Variants in ITPR2 observed in about 807,000 individuals in gnomAD.
The protein encoded by ITPR2 is inositol 1,4,5-trisphosphate receptor type 2.
In ITPR2, 207 loss-of-function variants were observed where a neutral mutation model predicts 317.1. The observed-to-expected ratio is 0.65, with a 90% CI of 0.58 to 0.73. The LOEUF (loss-of-function observed/expected upper bound fraction) is 0.73. Ranked by LOEUF, ITPR2 falls within the 30% of genes least tolerant of loss-of-function variation. The probability of loss-of-function intolerance (pLI) is 0.00; values close to 1 mark genes in which losing one functional copy is unlikely to be tolerated. For synonymous variants in ITPR2, 1,156 were observed against 1,149.1 expected, an observed-to-expected ratio of 1.01 and a Z score of -0.12; for missense variants, 2,613 against 3,284.0, an observed-to-expected ratio of 0.80 and a Z score of 4.99.
intron 52 of ITPR2, among the ~76,000 whole-genome samples, chr12:26,406,245 T>C (rs1189363636): frequency 6.6e-6 from 1 of 152,086 alleles, no homozygotes; most frequent in Non-Finnish European, 1.5e-5. Context: ...CATATTAAAT[T>C]TGAATTATTC....
chr12:26,388,614 C>T (rs1053265029), intron 54 of ITPR2, among the ~76,000 whole-genome samples: 2 of 151,882 alleles, frequency 1.3e-5, no homozygotes, highest in East Asian at 1.9e-4. Flanking sequence ...CCACCATGCC[C>T]GGCTAATTTT....
Position 26,761,099 on chromosome 12 carries a change from G to A in ITPR2, c.163+29058C>T, listed in dbSNP as rs147504411. Among the ~76,000 whole-genome samples, 241 of 152,170 alleles carry A rather than the reference G, an allele frequency of 1.6e-3. 2 individuals carry two copies. The highest frequency in any genetic ancestry group is 2.7e-3 in the Non-Finnish European group (184 of 68,004). On this transcript the variant is annotated intron_variant, in intron 2 of 56. Transcript: ENST00000381340. Reference sequence around the variant, plus strand: ...GCCCATGGTTACAGGTTTCAAGTCCGCCCCCATGGACCTAAGTGCCAAGCA... The same window carrying A: ...GCCCATGGTTACAGGTTTCAAGTCCACCCCCATGGACCTAAGTGCCAAGCA...
chr12:26,554,353 A>G (rs1253324098), intron 36 of ITPR2, among the ~76,000 whole-genome samples: 4 of 152,214 alleles, frequency 2.6e-5, no homozygotes, highest in African/African-American at 9.7e-5. Flanking sequence ...TAATTTAAAT[A>G]ACCATGTGTG....
chr12:26,414,424 T>C (rs1484293989), intron 51 of ITPR2, among the ~76,000 whole-genome samples: 4 of 152,166 alleles, frequency 2.6e-5, no homozygotes, highest in Non-Finnish European at 4.4e-5. Context: ...AGTTTTACAT[T>C]TAACGGTTTG....
At chr12:26,376,017 C>G (rs1939329875) in intron 55 of ITPR2, among the ~76,000 whole-genome samples, 1 of 152,126 alleles carries the variant, frequency 6.6e-6, no homozygotes, top group African/African-American at 2.4e-5. Flanking sequence ...GGAGGATCAC[C>G]TGAGCCTTGG....
In ITPR2 at chr12:26,628,019, T is replaced by C; in HGVS notation, c.3064+14A>G. The C allele has an allele frequency of 6.3e-7, 1 of 1,590,928 alleles. No individual in the cohort carries two copies. The highest frequency in any genetic ancestry group is 1.4e-5 in the African/African-American group (1 of 73,658). ...AATAAAATAAAAAGAGTAAATACTG[T>C]CACAAAAAGATACCTGATGGTAGTA... On this transcript the variant is annotated intron_variant, in intron 23 of 56. Transcript: ENST00000381340.
intron 26 of ITPR2, among the ~76,000 whole-genome samples, chr12:26,613,244 G>A (rs1170844209): frequency 5.3e-5 from 8 of 152,098 alleles, no homozygotes; most frequent in Admixed American, 4.6e-4. Flanking sequence ...CATTAAGTGT[G>A]ACCATTCATG....
At chr12:26,544,031 A>G (rs1944328470) in intron 37 of ITPR2, among the ~76,000 whole-genome samples, 1 of 152,046 alleles carries the variant, frequency 6.6e-6, no homozygotes, top group African/African-American at 2.4e-5. Context: ...TTTAAGGGGG[A>G]ATTTTTTAAA....
At chr12:26,393,071 G>A (rs1280292169) in intron 54 of ITPR2, among the ~76,000 whole-genome samples, 4 of 152,184 alleles carry the variant, frequency 2.6e-5, no homozygotes, top group Non-Finnish European at 5.9e-5. Context: ...CCAAACATCT[G>A]GACATTGTCT....
chr12:26,479,677 T>G (rs12580326), intron 43 of ITPR2, among the ~76,000 whole-genome samples: 2,730 of 152,284 alleles, frequency 0.018, 58 homozygotes, highest in East Asian at 0.062. Flanking sequence ...CACAAGTACA[T>G]CTATGTAAGA....
intron 26 of ITPR2, among the ~76,000 whole-genome samples, chr12:26,614,390 G>A (rs1396715519): frequency 6.6e-6 from 1 of 152,056 alleles, no homozygotes; most frequent in Non-Finnish European, 1.5e-5. Flanking sequence ...TGGGAGTAAT[G>A]TGGTCTCAGG....
At chr12:26,386,853 C>A (rs920239473) in intron 55 of ITPR2, among the ~76,000 whole-genome samples, 2 of 152,130 alleles carry the variant, frequency 1.3e-5, no homozygotes, top group Non-Finnish European at 2.9e-5. Flanking sequence ...TCATGGACAA[C>A]CACATCCTCT....
At position 26,489,189 on chromosome 12, in the gene ITPR2, A is replaced by G. The variant is rs180915382; in HGVS notation, c.5371-1938T>C. Among the ~76,000 whole-genome samples, 144 of 151,218 alleles carry G rather than the reference A, an allele frequency of 9.5e-4. 1 individual carries two copies. In the Middle Eastern group the frequency reaches 0.017, roughly 18 times the overall value. ...CATAAGTATTCCTTTCACTAAAGAC[A>G]TGATTTTTGCTTAGGAAACTACCTC... On this transcript the variant is annotated intron_variant, in intron 39 of 56. Coordinates refer to ENST00000381340, the MANE Select transcript of ITPR2 (RefSeq NM_002223.4).
intron 1 of ITPR2, among the ~76,000 whole-genome samples, chr12:26,819,774 A>G (rs1009480421): frequency 6.6e-6 from 1 of 152,064 alleles, no homozygotes; most frequent in Non-Finnish European, 1.5e-5. Flanking sequence ...TTAAAAAAAA[A>G]AGGCCATGTA....
chr12:26,406,557 C>T (rs1591995937), intron 52 of ITPR2: 1 of 151,458 alleles, frequency 6.6e-6, no homozygotes, highest in East Asian at 2.0e-4. Context: ...CACTCTGCCT[C>T]CTAGTCACCG....
chr12:26,812,614 G>A (rs2137270693), intron 1 of ITPR2, among the ~76,000 whole-genome samples: 1 of 152,280 alleles, frequency 6.6e-6, no homozygotes, highest in Admixed American at 6.5e-5. Flanking sequence ...TAAATGTCTA[G>A]CTGTACCAGT....
chr12:26,460,193 C>T (rs1457617539), intron 45 of ITPR2, among the ~76,000 whole-genome samples: 1 of 152,180 alleles, frequency 6.6e-6, no homozygotes, highest in Admixed American at 6.5e-5. Context: ...CTGCCTCCAT[C>T]CTGTGTCTCA....
chr12:26,741,803 G>C (rs1424599943), intron 2 of ITPR2, among the ~76,000 whole-genome samples: 4 of 152,202 alleles, frequency 2.6e-5, no homozygotes, highest in African/African-American at 4.8e-5. Context: ...TCCTGAAAGG[G>C]AGTGTACCAT....
At chr12:26,654,152 GGGGGAGGGTGAAA>G in intron 20 of ITPR2, 26 bp from the exon 21 acceptor site, 1 of 1,517,306 alleles carries the variant, frequency 6.6e-7, no homozygotes, top group Non-Finnish European at 8.8e-7. Flanking sequence ...AAAGCGGGGA[GGGGGAGGGTGAAA>G]GAGTGGAAAA....
Sources: allele counts gnomAD v4.1 joint callset (sites outside exome capture counted in the v4.1 genomes callset), GRCh38; gene constraint gnomAD v4.1.1; transcripts MANE v1.5; gene names NCBI Gene and HGNC (gene_info 2026-07-23, HGNC 2026-07-21).